The following LIFR variants were observed in gnomAD, a reference collection of about 807,000 sequenced individuals.
The protein encoded by LIFR is LIF receptor subunit alpha.
A neutral mutation model predicts 122.2 loss-of-function variants in LIFR; 84 were observed. The ratio of observed to expected loss-of-function variants is 0.69; its 90% CI spans 0.58 to 0.82. LIFR has a LOEUF of 0.82. LIFR is among the 40% of genes least tolerant of loss of function. LIFR has a pLI of 0.00. For synonymous variants in LIFR, 422 were observed against 434.7 expected, an observed-to-expected ratio of 0.97 and a Z score of 0.36; for missense variants, 1,294 against 1,311.6, an observed-to-expected ratio of 0.99 and a Z score of 0.21.
At chr5:38,605,616 G>A (rs1036941005) in intron 2 of LIFR, among the ~76,000 whole-genome samples, 2 of 152,070 alleles carry the variant, frequency 1.3e-5, no homozygotes, top group African/African-American at 4.8e-5. Flanking sequence ...CCTGCCTCTC[G>A]TTCTATTCCT....
chr5:38,582,799 A>G (rs1749628039), intron 1 of LIFR, among the ~76,000 whole-genome samples: 1 of 152,196 alleles, frequency 6.6e-6, no homozygotes, highest in Non-Finnish European at 1.5e-5. Flanking sequence ...CTGCACTTTT[A>G]TCACAATGCT....
chr5:38,518,341 C>T (rs576059172), intron 5 of LIFR, among the ~76,000 whole-genome samples: 10 of 152,120 alleles, frequency 6.6e-5, no homozygotes, highest in Non-Finnish European at 1.5e-4. Flanking sequence ...TCTGTATCAT[C>T]TGTAAAATGG....
At chr5:38,552,038 A>G (rs113821792) in intron 1 of LIFR, among the ~76,000 whole-genome samples, 7 of 152,340 alleles carry the variant, frequency 4.6e-5, no homozygotes, top group African/African-American at 7.2e-5. Flanking sequence ...AGCTTTTACT[A>G]TATCAGGACA....
At chr5:38,578,203 T>C (rs1749450970) in intron 1 of LIFR, among the ~76,000 whole-genome samples, 2 of 63,804 alleles carry the variant, frequency 3.1e-5, no homozygotes, top group South Asian at 1.3e-3. Context: ...TTCTTTTTCT[T>C]TTTCTTTTTT....
intron 1 of LIFR, among the ~76,000 whole-genome samples, chr5:38,540,732 T>C (rs575850998): frequency 6.6e-6 from 1 of 152,068 alleles, no homozygotes; most frequent in South Asian, 2.1e-4. Context: ...TTTATTATTA[T>C]TATTATGAAA....
intron 1 of LIFR, among the ~76,000 whole-genome samples, chr5:38,593,111 G>A (rs575381594): frequency 3.3e-5 from 5 of 152,244 alleles, no homozygotes; most frequent in Non-Finnish European, 7.4e-5. Flanking sequence ...GCTGAGGCGG[G>A]AGAATCCCTT....
Position 38,510,640 on chromosome 5 carries a change from AC to A in LIFR, c.814del (p.Val272Ter). 1 of 1,614,024 alleles carries A rather than the reference AC, an allele frequency of 6.2e-7. No homozygotes were observed. The highest frequency in any genetic ancestry group is 8.5e-7 in the Non-Finnish European group (1 of 1,179,930). The part of the protein sequence containing the change: ...LVGSDITFCC[V>X]SQEKVLSALI... ...TGCTGATAACACTTTTTCTTGACTC[AC>A]ACAACAAAATGTTATGTCTGAGCCT... is the stretch of plus-strand genomic sequence containing the variant. On this transcript the variant is annotated frameshift_variant, in exon 7 of 20. Transcript: ENST00000453190. LOFTEE classifies it high-confidence loss of function.
upstream of LIFR, among the ~76,000 whole-genome samples, chr5:38,595,689 C>T (rs1203699496): frequency 6.7e-6 from 1 of 150,342 alleles, no homozygotes; most frequent in Non-Finnish European, 1.5e-5. Flanking sequence ...CCAATCTAAC[C>T]TTCTAGTATT....
intron 18 of LIFR, among the ~76,000 whole-genome samples, chr5:38,483,170 C>T (rs921495828): frequency 6.6e-6 from 1 of 150,806 alleles, no homozygotes; most frequent in Non-Finnish European, 1.5e-5. Context: ...CCACGTGTCA[C>T]GAGTACACTG....
chr5:38,534,868 G>A (rs1747211375), intron 1 of LIFR, among the ~76,000 whole-genome samples: 1 of 152,084 alleles, frequency 6.6e-6, no homozygotes, highest in Non-Finnish European at 1.5e-5. Flanking sequence ...TCTTGAGAAG[G>A]GGAGGAACAC....
chr5:38,561,358 C>G (rs1415846483), upstream of LIFR, among the ~76,000 whole-genome samples: 1 of 152,092 alleles, frequency 6.6e-6, no homozygotes, highest in Non-Finnish European at 1.5e-5. Flanking sequence ...TTTTCCCTAG[C>G]CTTTGAAGTG....
rs1482305090 is a variant in LIFR at position 38,527,250 on chromosome 5, G to A, written c.302C>T (p.Pro101Leu). ...YQLEKTSIKI[P>L]ALSHGDYEIT... ...TTCATAATCACCATGTGAAAGAGCT[G>A]GAATTTTAATACTGGTTTTCTCCAA... The change falls in exon 4 of 20, where the codon CCA becomes CTA. Residue 101 changes from proline (P) to leucine (L), a missense_variant. Coordinates refer to ENST00000453190, the MANE Select transcript of LIFR (RefSeq NM_001127671.2). 3.1e-6 allele frequency: 5 copies of A among 1,600,450 alleles called. No individual in the cohort carries two copies. The highest frequency in any genetic ancestry group is 2.2e-5 in the East Asian group (1 of 44,734).
rs574178742 is a variant in LIFR at position 38,504,030 on chromosome 5, C to A, written c.1383G>T (p.Lys461Asn). ...TTTCAATTTCACATAAAAAATTAAT[C>A]TTTGCAAAGTTGCCTGGTAAATGCC... ...LSWHLPGNFA[K>N]INFLCEIEIK... The change falls in exon 10 of 20, where the codon AAG becomes AAT. Residue 461 changes from lysine to asparagine, a missense_variant. By Grantham distance (94) the Lys-to-Asn change is moderately conservative. Coordinates refer to ENST00000453190, the MANE Select transcript of LIFR (RefSeq NM_001127671.2). 2 of 1,591,656 alleles carry A rather than the reference C, an allele frequency of 1.3e-6. No individual in the cohort carries two copies. The highest frequency in any genetic ancestry group is 2.2e-5 in the South Asian group (2 of 90,456).
At chr5:38,530,469 G>A (rs1172569138) in intron 2 of LIFR, 37 bp downstream of exon 2, 1 of 1,575,644 alleles carries the variant, frequency 6.3e-7, no homozygotes, top group Non-Finnish European at 8.7e-7. Context: ...AAATAAAACT[G>A]CAATCTGTTC....
chr5:38,562,271 C>T (rs1166033992), intron 1 of LIFR, among the ~76,000 whole-genome samples: 3 of 152,156 alleles, frequency 2.0e-5, no homozygotes, highest in Non-Finnish European at 4.4e-5. Flanking sequence ...ATCTTCTTTT[C>T]CGCCTCCGTC....
At chr5:38,571,326 C>T (rs930518685) in intron 1 of LIFR, among the ~76,000 whole-genome samples, 56 of 152,116 alleles carry the variant, frequency 3.7e-4, no homozygotes, top group African/African-American at 1.1e-3. Context: ...CTGAGGCGGG[C>T]GGATCACTTG....
intron 1 of LIFR, among the ~76,000 whole-genome samples, chr5:38,546,133 C>T (rs549757824): frequency 9.9e-5 from 15 of 152,050 alleles, no homozygotes; most frequent in Non-Finnish European, 1.9e-4. Flanking sequence ...ACTTTAATTA[C>T]GAACTGGAAA....
At position 38,506,362 on chromosome 5, in the gene LIFR, T is replaced by G. The variant is rs1234144118; in HGVS notation, c.1121+141A>C. Reference sequence around the variant, plus strand: ...TGTACATGTGGCTGAACTGCAGTGCTTATAAGTGTAATTTTATACAGCATA... The same window carrying G: ...TGTACATGTGGCTGAACTGCAGTGCGTATAAGTGTAATTTTATACAGCATA... On this transcript the variant is annotated intron_variant, in intron 8 of 19. Transcript: ENST00000453190. 3 of 971,722 alleles carry G rather than the reference T, an allele frequency of 3.1e-6. No homozygotes were observed. In the East Asian group the frequency reaches 7.2e-5, roughly 23 times the overall value. 60.2% of individuals were successfully genotyped at this position (971,722 alleles called of 1,614,324 possible).
At chr5:38,563,503 C>T (rs1444675076) in intron 1 of LIFR, among the ~76,000 whole-genome samples, 1 of 152,094 alleles carries the variant, frequency 6.6e-6, no homozygotes, top group Non-Finnish European at 1.5e-5. Context: ...GAGACCAAAG[C>T]TCAAAGGAGT....
Sources: allele counts gnomAD v4.1 joint callset (sites outside exome capture counted in the v4.1 genomes callset), GRCh38; gene constraint gnomAD v4.1.1; transcripts MANE v1.5; gene names NCBI Gene and HGNC (gene_info 2026-07-23, HGNC 2026-07-21).